The following NR3C2 variants were observed in gnomAD, a reference collection of about 807,000 sequenced individuals.
NR3C2 encodes mineralocorticoid receptor.
Under a neutral mutation model 86.4 loss-of-function variants are expected in NR3C2, and 15 were observed. That is an observed-to-expected ratio of 0.17 (90% CI 0.12 to 0.27). The LOEUF (loss-of-function observed/expected upper bound fraction) is 0.27. NR3C2 is among the 10% of genes least tolerant of loss of function. The probability of loss-of-function intolerance (pLI) is 1.00; values close to 1 mark genes in which losing one functional copy is unlikely to be tolerated. For synonymous variants in NR3C2, 458 were observed against 450.5 expected, an observed-to-expected ratio of 1.02 and a Z score of -0.21; for missense variants, 960 against 1,195.6, an observed-to-expected ratio of 0.80 and a Z score of 2.91.
chr4:148,266,800 G>A (rs182310870), intron 2 of NR3C2, among the ~76,000 whole-genome samples: 3 of 152,338 alleles, frequency 2.0e-5, no homozygotes, highest in Admixed American at 2.0e-4. Context: ...TGTCCAGGCA[G>A]GAGATAATAA....
intron 2 of NR3C2, among the ~76,000 whole-genome samples, chr4:148,332,768 T>C (rs775840887): frequency 3.3e-5 from 5 of 152,188 alleles, no homozygotes; most frequent in Non-Finnish European, 7.3e-5. Flanking sequence ...GGGATACAAG[T>C]AGTACATCTT....
chr4:148,348,129 G>A (rs1207958898), intron 2 of NR3C2, among the ~76,000 whole-genome samples: 1 of 152,076 alleles, frequency 6.6e-6, no homozygotes, highest in Admixed American at 6.6e-5. Context: ...CTTCCCTCTG[G>A]AGAATTTGAG....
chr4:148,282,180 C>T (rs1303624716), intron 2 of NR3C2, among the ~76,000 whole-genome samples: 3 of 152,108 alleles, frequency 2.0e-5, no homozygotes, highest in Admixed American at 6.6e-5. Context: ...CAGGCGTGCA[C>T]CACCATGCCA....
intron 3 of NR3C2, among the ~76,000 whole-genome samples, chr4:148,219,853 CTT>C (rs1737742396): frequency 6.6e-6 from 1 of 152,196 alleles, no homozygotes; most frequent in South Asian, 2.1e-4. Flanking sequence ...TTTAAAATGT[CTT>C]TTAATTTCTA....
At chr4:148,353,820 T>C (rs1231622038) in intron 2 of NR3C2, among the ~76,000 whole-genome samples, 1 of 152,144 alleles carries the variant, frequency 6.6e-6, no homozygotes, top group East Asian at 1.9e-4. Context: ...GATTTTATTG[T>C]TTTGCAGGAC....
At position 148,114,200 on chromosome 4, in the gene NR3C2, T is replaced by C; in HGVS notation, c.2703A>G (p.Lys901=). The change falls in exon 8 of 9, where the codon AAA becomes AAG. Residue 901 remains lysine (K), a synonymous_variant. Coordinates refer to ENST00000358102, the MANE Select transcript of NR3C2 (RefSeq NM_000901.5). ...AFEEMRTNYI[K]ELRKMVTKCP... Reference sequence around the variant, plus strand: ...ACTTAGTTACCATCTTCCTCAGTTCTTTGATGTAATTTGTCCTCATTTCTT... The same window carrying C: ...ACTTAGTTACCATCTTCCTCAGTTCCTTGATGTAATTTGTCCTCATTTCTT... 6.2e-7 allele frequency: 1 copy of C among 1,613,972 alleles called. No homozygotes were observed. The highest frequency in any genetic ancestry group is 2.2e-5 in the East Asian group (1 of 44,882).
At chr4:148,317,007 G>A (rs1743222398) in intron 2 of NR3C2, among the ~76,000 whole-genome samples, 1 of 152,050 alleles carries the variant, frequency 6.6e-6, no homozygotes, top group African/African-American at 2.4e-5. Flanking sequence ...TGCCCAGGCT[G>A]GTCTCAAACT....
intron 2 of NR3C2, among the ~76,000 whole-genome samples, chr4:148,380,507 T>C (rs1013403327): frequency 2.6e-5 from 4 of 152,208 alleles, no homozygotes; most frequent in Non-Finnish European, 5.9e-5. Context: ...ATTTAAACTT[T>C]TGAGGAACTG....
intron 2 of NR3C2, among the ~76,000 whole-genome samples, chr4:148,342,462 G>A (rs563505100): frequency 6.6e-6 from 1 of 152,298 alleles, no homozygotes; most frequent in Non-Finnish European, 1.5e-5. Flanking sequence ...TTTTTGTAGA[G>A]TGCTCCATAC....
At chr4:148,166,704 T>A (rs575776228) in intron 4 of NR3C2, among the ~76,000 whole-genome samples, 1 of 152,030 alleles carries the variant, frequency 6.6e-6, no homozygotes, top group South Asian at 2.1e-4. Flanking sequence ...TTGGGGAAAG[T>A]TTAACGTTAA....
At chr4:148,380,824 C>G (rs1293346812) in intron 2 of NR3C2, among the ~76,000 whole-genome samples, 1 of 152,028 alleles carries the variant, frequency 6.6e-6, no homozygotes, top group Non-Finnish European at 1.5e-5. Flanking sequence ...ATATTTAGAC[C>G]TCATTAACAG....
chr4:148,403,099 T>C lies in NR3C2; in HGVS notation c.1757+32005A>G, dbSNP rs527675829. Among the ~76,000 whole-genome samples the C allele has an allele frequency of 7.2e-4, 110 of 152,200 alleles. 1 individual carries two copies. The highest frequency in any genetic ancestry group is 2.5e-3 in the African/African-American group (104 of 41,566). On this transcript the variant is annotated intron_variant, in intron 2 of 8. Transcript: ENST00000358102. The stretch of plus-strand genomic sequence containing the variant: ...AGATTCTATAAGGCACTTAAAATAA[T>C]TGTTTAAATTACCTGATGAAAGTGT...
intron 2 of NR3C2, among the ~76,000 whole-genome samples, chr4:148,413,943 A>G (rs909955561): frequency 1.3e-5 from 2 of 152,186 alleles, no homozygotes; most frequent in African/African-American, 4.8e-5. Context: ...CAGAAATTCT[A>G]CTTCTAATTA....
intron 8 of NR3C2, among the ~76,000 whole-genome samples, chr4:148,103,426 C>T (rs997771775): frequency 4.1e-4 from 62 of 152,338 alleles, no homozygotes; most frequent in African/African-American, 1.4e-3. Flanking sequence ...TGCCAGTAGA[C>T]TCACGGCCCA....
chr4:148,330,856 G>C (rs907144969), intron 2 of NR3C2, among the ~76,000 whole-genome samples: 2 of 152,126 alleles, frequency 1.3e-5, no homozygotes, highest in Non-Finnish European at 2.9e-5. Flanking sequence ...CATGAGATCT[G>C]GTTGTTTAAA....
Position 148,428,051 on chromosome 4 carries a change from A to C in NR3C2, c.1757+7053T>G, listed in dbSNP as rs574277877. 4.4e-4 allele frequency among the ~76,000 whole-genome samples: 67 copies of C among 152,350 alleles called. 1 individual carries two copies. The highest frequency in any genetic ancestry group is 9.8e-4 in the Admixed American group (15 of 15,310). On this transcript the variant is annotated intron_variant, in intron 2 of 8. Coordinates refer to ENST00000358102, the MANE Select transcript of NR3C2 (RefSeq NM_000901.5). The stretch of plus-strand genomic sequence containing the variant: ...TATATTCTAATAGCAAAAGGAAAAG[A>C]GTAACTTTATCATGGAGAAACCCTG...
intron 4 of NR3C2, among the ~76,000 whole-genome samples, chr4:148,155,477 ACAGAGAGCCAAAT>A (rs1734328559): frequency 6.6e-6 from 1 of 152,148 alleles, no homozygotes; most frequent in Non-Finnish European, 1.5e-5. Flanking sequence ...TAACAGACAA[ACAGAGAGCCAAAT>A]CATGAGTGAA....
rs543045018 is a variant in NR3C2 at position 148,271,793 on chromosome 4, A to T, written c.1758-11676T>A. On this transcript the variant is annotated intron_variant, in intron 2 of 8. Transcript: ENST00000358102. ...AAAATTATTTAAACATTTAATTTAA[A>T]TTAAAAGGACTATTTAGATATTTGC... Among the ~76,000 whole-genome samples the T allele has an allele frequency of 9.2e-5, 14 of 152,322 alleles. No individual in the cohort carries two copies. In the South Asian group the frequency reaches 2.9e-3, roughly 32 times the overall value.
intron 4 of NR3C2, among the ~76,000 whole-genome samples, chr4:148,193,755 A>G (rs1736311919): frequency 6.6e-6 from 1 of 152,242 alleles, no homozygotes; most frequent in African/African-American, 2.4e-5. Context: ...GAGAGTATTA[A>G]GAAAAATTCA....
Sources: allele counts gnomAD v4.1 joint callset (sites outside exome capture counted in the v4.1 genomes callset), GRCh38; gene constraint gnomAD v4.1.1; transcripts MANE v1.5; gene names NCBI Gene and HGNC (gene_info 2026-07-23, HGNC 2026-07-21).